Variants in NAV3 observed in about 807,000 individuals in gnomAD.
NAV3 encodes the protein pore membrane and/or filament interacting like protein 1.
NAV3 carries 87 observed loss-of-function variants against 244.7 expected under a neutral mutation model. The observed-to-expected ratio is 0.36, with a 90% CI of 0.30 to 0.42. The LOEUF is 0.42. NAV3 is among the 20% of genes least tolerant of loss of function. NAV3 has a pLI of 1.00. For missense variants in NAV3, 2,663 were observed against 2,893.3 expected, an observed-to-expected ratio of 0.92 and a Z score of 1.83; for synonymous variants, 1,126 against 1,042.2, an observed-to-expected ratio of 1.08 and a Z score of -1.55.
At chr12:78,048,489 T>C (rs2137196979) in intron 9 of NAV3, among the ~76,000 whole-genome samples, 1 of 152,310 alleles carries the variant, frequency 6.6e-6, no homozygotes, top group East Asian at 1.9e-4. Context: ...CTGCAGGTCT[T>C]CTGGAGTTTG....
intron 1 of NAV3, among the ~76,000 whole-genome samples, chr12:77,884,688 G>A (rs10859565): frequency 0.34 from 52,266 of 151,772 alleles, 9,306 homozygotes; most frequent in African/African-American, 0.43. Flanking sequence ...TTCCTTATTC[G>A]GTCCCTTAAT....
chr12:78,125,330 T>C (rs1481662474), intron 16 of NAV3, among the ~76,000 whole-genome samples: 7 of 152,124 alleles, frequency 4.6e-5, no homozygotes, highest in Non-Finnish European at 7.3e-5. Flanking sequence ...TCGGTAGCTT[T>C]TCCTATAGAT....
chr12:77,697,110 C>A (rs372045356), intron 2 of NAV3, among the ~76,000 whole-genome samples: 12 of 152,138 alleles, frequency 7.9e-5, no homozygotes, highest in African/African-American at 2.4e-4. Flanking sequence ...TGTGTAAATT[C>A]TCCTGGACTG....
At chr12:77,606,318 T>G (rs1870669447) in intron 2 of NAV3, among the ~76,000 whole-genome samples, 1 of 152,150 alleles carries the variant, frequency 6.6e-6, no homozygotes, top group Admixed American at 6.5e-5. Flanking sequence ...TGCTATTAAC[T>G]GGCCAATGGT....
chr12:77,702,809 T>C (rs928149986), intron 2 of NAV3, among the ~76,000 whole-genome samples: 9 of 146,258 alleles, frequency 6.2e-5, no homozygotes, highest in Admixed American at 2.8e-4. Context: ...TCAAATAAGT[T>C]AATAGAAGAA....
intron 2 of NAV3, among the ~76,000 whole-genome samples, chr12:77,630,733 A>G (rs545300676): frequency 3.5e-4 from 54 of 152,318 alleles, no homozygotes; most frequent in African/African-American, 1.2e-3. Flanking sequence ...ATCCTTGCTA[A>G]GATAGATGGG....
At chr12:77,691,528 A>G (rs1217969552) in intron 2 of NAV3, among the ~76,000 whole-genome samples, 1 of 150,958 alleles carries the variant, frequency 6.6e-6, no homozygotes, top group Non-Finnish European at 1.5e-5. Context: ...ATTCAATATT[A>G]TGCTTTATTT....
chr12:77,693,196 G>A (rs1260947529), intron 2 of NAV3, among the ~76,000 whole-genome samples: 1 of 151,972 alleles, frequency 6.6e-6, no homozygotes, highest in Non-Finnish European at 1.5e-5. Flanking sequence ...TAAAGTTATA[G>A]TAATTATGTT....
At chr12:77,655,839 T>C (rs1873073361) in intron 2 of NAV3, among the ~76,000 whole-genome samples, 1 of 151,558 alleles carries the variant, frequency 6.6e-6, no homozygotes, top group African/African-American at 2.4e-5. Flanking sequence ...AACCCAGAAT[T>C]TCATATCCAG....
At chr12:77,629,964 C>A (rs1871812861) in intron 2 of NAV3, among the ~76,000 whole-genome samples, 2 of 152,232 alleles carry the variant, frequency 1.3e-5, no homozygotes, top group South Asian at 4.2e-4. Flanking sequence ...ATGGCATAAC[C>A]AGGGTCTTTT....
chr12:77,966,804 A>T (rs76285475), intron 4 of NAV3, among the ~76,000 whole-genome samples: 2 of 152,092 alleles, frequency 1.3e-5, no homozygotes, highest in East Asian at 3.8e-4. Flanking sequence ...TTATATATAA[A>T]TGTTTTAAAT....
intron 36 of NAV3, 50 bp downstream of exon 36, chr12:78,198,726 G>T (rs548248459): frequency 1.8e-5 from 19 of 1,040,510 alleles, no homozygotes; most frequent in East Asian, 5.4e-5. Flanking sequence ...TTTTGTGTTG[G>T]GGGGGGCAGG....
intron 39 of NAV3, among the ~76,000 whole-genome samples, chr12:78,206,484 GGA>G (rs1960318917): frequency 2.6e-5 from 4 of 152,144 alleles, no homozygotes. Context: ...TGTTTTATAA[GGA>G]GAGGTGTTTA....
At chr12:77,773,106 T>C (rs767808735) in intron 2 of NAV3, among the ~76,000 whole-genome samples, 1 of 152,192 alleles carries the variant, frequency 6.6e-6, no homozygotes, top group African/African-American at 2.4e-5. Context: ...ATTCATGACA[T>C]CATTCTGTGA....
At chr12:77,902,779 G>T (rs561588580) in intron 1 of NAV3, among the ~76,000 whole-genome samples, 3 of 152,226 alleles carry the variant, frequency 2.0e-5, no homozygotes, top group Admixed American at 2.0e-4. Context: ...TAAGCTGATA[G>T]ACAACTTCAG....
chr12:78,205,213 A>C, intron 39 of NAV3, 75 bp downstream of exon 39: 1 of 1,429,058 alleles, frequency 7.0e-7, no homozygotes, highest in Non-Finnish European at 9.6e-7. Flanking sequence ...AGTTATTTCT[A>C]GCGAAGACAT....
chr12:77,797,345 A>T (rs1565817575), intron 2 of NAV3, among the ~76,000 whole-genome samples: 1 of 151,946 alleles, frequency 6.6e-6, no homozygotes, highest in African/African-American at 2.4e-5. Context: ...TACTTTCTAC[A>T]TATGGTTTTA....
intron 1 of NAV3, among the ~76,000 whole-genome samples, chr12:77,890,491 A>G (rs1183473296): frequency 6.6e-6 from 1 of 152,178 alleles, no homozygotes; most frequent in Non-Finnish European, 1.5e-5. Context: ...TTAATTGTAA[A>G]TGAATTATGA....
chr12:77,702,125 A>G (rs1875589487), intron 2 of NAV3, among the ~76,000 whole-genome samples: 1 of 151,776 alleles, frequency 6.6e-6, no homozygotes, highest in South Asian at 2.1e-4. Flanking sequence ...TGCTTTGTGT[A>G]TTTTGAAATT....
Sources: gnomAD v4.1 joint callset for allele counts (sites outside exome capture counted in the v4.1 genomes callset) on GRCh38, gnomAD v4.1.1 for gene constraint, MANE v1.5 for transcripts, NCBI Gene and HGNC (gene_info 2026-07-23, HGNC 2026-07-21) for gene names.